The following ZBTB20 variants were observed in gnomAD, a reference collection of about 807,000 sequenced individuals.
ZBTB20 encodes zinc finger and BTB domain-containing protein 20.
In ZBTB20, 9 loss-of-function variants were observed where a neutral mutation model predicts 56.9. The observed-to-expected ratio is 0.16, with a 90% confidence interval of 0.10 to 0.28. The LOEUF is 0.28. Among genes scored for constraint, ZBTB20 ranks in the 10% least tolerant of loss-of-function variants. The pLI is 1.00. For missense variants in ZBTB20, 655 were observed against 1,003.0 expected (o/e 0.65, Z 4.69); for synonymous variants, 417 against 420.7 (o/e 0.99, Z 0.11).
intron 5 of ZBTB20, among the ~76,000 whole-genome samples, chr3:114,792,508 T>C (rs538497322): frequency 1.8e-4 from 28 of 152,282 alleles, no homozygotes; most frequent in Admixed American, 1.8e-3. Flanking sequence ...ACAGGTAGCA[T>C]TGCTTCTAAT....
At chr3:114,377,942 C>G (rs1263463729) in intron 10 of ZBTB20, among the ~76,000 whole-genome samples, 1 of 152,158 alleles carries the variant, frequency 6.6e-6, no homozygotes, top group Non-Finnish European at 1.5e-5. Flanking sequence ...GAACAACACA[C>G]ACTGGTGGAA....
At chr3:114,531,921 G>C (rs1178223248) in intron 6 of ZBTB20, among the ~76,000 whole-genome samples, 1 of 152,164 alleles carries the variant, frequency 6.6e-6, no homozygotes, top group East Asian at 1.9e-4. Flanking sequence ...AGAAAGCCGC[G>C]AGGGACTGTG....
At chr3:114,813,875 C>T (rs1308357306) in intron 4 of ZBTB20, among the ~76,000 whole-genome samples, 4 of 152,038 alleles carry the variant, frequency 2.6e-5, no homozygotes, top group African/African-American at 9.7e-5. Context: ...GTGAAGTGTT[C>T]TCTATTTGGT....
chr3:114,689,771 T>C (rs1369537348), intron 6 of ZBTB20, among the ~76,000 whole-genome samples: 2 of 152,148 alleles, frequency 1.3e-5, no homozygotes, highest in Non-Finnish European at 2.9e-5. Context: ...ATATTCTAGG[T>C]TTATGTGATA....
In ZBTB20 at chr3:114,729,039, C is replaced by A. The variant is rs189071028; in HGVS notation, c.-342-35464G>T. On this transcript the variant is annotated intron_variant, in intron 5 of 11. Coordinates refer to ENST00000675478, the MANE Select transcript of ZBTB20 (RefSeq NM_001348800.3). The stretch of plus-strand genomic sequence containing the variant: ...GCACATGTTTACCTCTGTAACAAAC[C>A]TGCACATCCTGCACATGTGCCCAAG... Among the ~76,000 whole-genome samples, 27 of 152,158 alleles carry A rather than the reference C, an allele frequency of 1.8e-4. No homozygotes were observed. In the East Asian group the frequency reaches 5.2e-3, roughly 29 times the overall value.
chr3:114,915,727 A>G (rs752017836), intron 3 of ZBTB20, among the ~76,000 whole-genome samples: 1 of 151,884 alleles, frequency 6.6e-6, no homozygotes, highest in Non-Finnish European at 1.5e-5. Flanking sequence ...TTGTCACTAC[A>G]AATTTCCCTC....
intron 7 of ZBTB20, among the ~76,000 whole-genome samples, chr3:114,471,899 C>T (rs939420730): frequency 1.3e-5 from 2 of 152,050 alleles, no homozygotes; most frequent in African/African-American, 4.8e-5. Flanking sequence ...GATCACCTAA[C>T]TGAATGTAAC....
In ZBTB20 at chr3:114,459,174, T is replaced by C. The variant is rs568926528; in HGVS notation, c.-255+41178A>G. On this transcript the variant is annotated intron_variant, in intron 7 of 11. Coordinates refer to ENST00000675478, the MANE Select transcript of ZBTB20 (RefSeq NM_001348800.3). ...TGCCATAATTCAACGTATCTCATAA[T>C]TTGATTTACTTTCAAGCACCTTTTT... Among the ~76,000 whole-genome samples, 33 of 152,208 alleles carry C rather than the reference T, an allele frequency of 2.2e-4. 1 individual carries two copies. The highest frequency in any genetic ancestry group is 4.1e-4 in the Non-Finnish European group (28 of 68,018).
chr3:114,487,951 T>C (rs2042318778), intron 7 of ZBTB20, among the ~76,000 whole-genome samples: 1 of 152,188 alleles, frequency 6.6e-6, no homozygotes, highest in Non-Finnish European at 1.5e-5. Flanking sequence ...CCTGGAGACA[T>C]GGATCAGGCA....
At chr3:114,527,623 G>T (rs1484691206) in intron 6 of ZBTB20, among the ~76,000 whole-genome samples, 1 of 152,098 alleles carries the variant, frequency 6.6e-6, no homozygotes, top group African/African-American at 2.4e-5. Flanking sequence ...AAATGAAGGA[G>T]GCTGTCAGGC....
At chr3:114,881,922 G>A (rs1347700321) in intron 4 of ZBTB20, among the ~76,000 whole-genome samples, 5 of 151,794 alleles carry the variant, frequency 3.3e-5, no homozygotes, top group Non-Finnish European at 5.9e-5. Context: ...GAAAATCTGA[G>A]TAATTTTTCT....
intron 6 of ZBTB20, among the ~76,000 whole-genome samples, chr3:114,654,616 C>CACATATTCTCCAGGTGGGAATAGA (rs2060299315): frequency 5.3e-5 from 8 of 152,106 alleles, no homozygotes; most frequent in Admixed American, 1.3e-4. Flanking sequence ...TTTTAAAGAA[C>CACATATTCTCCAGGTGGGAATAGA]ACATATTCTC....
At chr3:114,504,203 C>T (rs2044330405) in intron 6 of ZBTB20, among the ~76,000 whole-genome samples, 1 of 152,154 alleles carries the variant, frequency 6.6e-6, no homozygotes, top group South Asian at 2.1e-4. Flanking sequence ...CAGACTCCTA[C>T]CTTCCTAGTC....
intron 6 of ZBTB20, among the ~76,000 whole-genome samples, chr3:114,636,270 C>T (rs2059267562): frequency 6.6e-6 from 1 of 152,084 alleles, no homozygotes; most frequent in Non-Finnish European, 1.5e-5. Flanking sequence ...ACTGTACCTG[C>T]TTTGCATGAA....
chr3:114,434,558 T>TTGTGTGTGTGTG (rs71146320), intron 7 of ZBTB20, among the ~76,000 whole-genome samples: 74,645 of 145,918 alleles, frequency 0.51, 21,143 homozygotes, highest in Non-Finnish European at 0.64. Context: ...GTGTGTGTGT[T>TTGTGTGTGTGTG]TGTGTGTGTG....
chr3:114,513,963 T>C (rs537128507), intron 6 of ZBTB20, among the ~76,000 whole-genome samples: 1 of 151,776 alleles, frequency 6.6e-6, no homozygotes, highest in Admixed American at 6.6e-5. Flanking sequence ...ACATACTGCA[T>C]AAATATGTAT....
chr3:114,620,713 G>T (rs570754264), intron 6 of ZBTB20, among the ~76,000 whole-genome samples: 1 of 152,214 alleles, frequency 6.6e-6, no homozygotes, highest in Admixed American at 6.5e-5. Context: ...ACACTGGTTG[G>T]GAGAGAAATT....
intron 1 of ZBTB20, among the ~76,000 whole-genome samples, chr3:115,077,088 T>C (rs760981764): frequency 6.6e-6 from 1 of 152,192 alleles, no homozygotes; most frequent in Non-Finnish European, 1.5e-5. Context: ...CCATTACTGG[T>C]CTGCAGCCTG....
At chr3:114,838,759 C>T (rs1268237984) in intron 4 of ZBTB20, among the ~76,000 whole-genome samples, 2 of 151,536 alleles carry the variant, frequency 1.3e-5, no homozygotes, top group East Asian at 1.9e-4. Flanking sequence ...TTAATGCCTG[C>T]CTTGGAAGGT....
Sources: allele counts gnomAD v4.1 joint callset (sites outside exome capture counted in the v4.1 genomes callset), GRCh38; gene constraint gnomAD v4.1.1; transcripts MANE v1.5; gene names NCBI Gene and HGNC (gene_info 2026-07-23, HGNC 2026-07-21).